Variants in RRM2 observed in about 807,000 individuals in gnomAD.
The protein encoded by RRM2 is ribonucleoside-diphosphate reductase subunit M2.
In RRM2, 6 loss-of-function variants were observed where a neutral mutation model predicts 45.9. The ratio of observed to expected loss-of-function variants is 0.13; its 90% CI spans 0.07 to 0.26. The LOEUF (loss-of-function observed/expected upper bound fraction) is 0.26. Among genes scored for constraint, RRM2 ranks in the 10% least tolerant of loss-of-function variants. RRM2 has a pLI of 1.00. For synonymous variants in RRM2, 177 were observed against 173.0 expected, an observed-to-expected ratio of 1.02 and a Z score of -0.18; for missense variants, 343 against 489.5, an observed-to-expected ratio of 0.70 and a Z score of 2.82.
At position 10,129,189 on chromosome 2, in the gene RRM2, T is replaced by G; in HGVS notation, c.1017+35T>G. 1 of 1,614,062 alleles carries G rather than the reference T, an allele frequency of 6.2e-7. No individual in the cohort carries two copies. Among genetic ancestry groups the G allele is most frequent in the Non-Finnish European group, 8.5e-7 (1 of 1,179,894 alleles). Reference sequence around the variant, plus strand: ...TGTTTACATAGCCTTTTGCTTGTTTTGAAGCTGGTGCTCTGTATTTATATC... The same window carrying G: ...TGTTTACATAGCCTTTTGCTTGTTTGGAAGCTGGTGCTCTGTATTTATATC... On this transcript the variant is annotated intron_variant, in intron 9 of 9. Coordinates refer to ENST00000304567, the MANE Select transcript of RRM2 (RefSeq NM_001034.4). The surrounding 1 kb of genome is among the most constrained non-coding windows in gnomAD (Gnocchi z 4.8).
chr2:10,155,625 C>T lies in RRM2; in HGVS notation n.482+13250C>T, dbSNP rs139673006. 1,084 of 152,570 alleles carry T rather than the reference C, an allele frequency of 7.1e-3. 6 individuals are homozygous for T. Among genetic ancestry groups the T allele is most frequent in the South Asian group, 0.016 (75 of 4,834 alleles). The allele number at this position is 152,570 out of a possible 1,614,324, so 9.5% of individuals were successfully genotyped here. A position where few individuals can be genotyped will look rare whatever the true frequency, so the allele number is the denominator to read the frequency against. On this transcript the variant is annotated intron_variant and non_coding_transcript_variant, in intron 3 of 3. Coordinates refer to the RRM2 transcript ENST00000381786. The stretch of plus-strand genomic sequence containing the variant: ...CTCTGATTCCTCCCCCTCTTCTGTT[C>T]CAGTCCAGAATGCCTCCTTTCTGCC...
intron 4 of RRM2, chr2:10,124,069 C>A: frequency 1.9e-6 from 1 of 533,610 alleles, no homozygotes; most frequent in Non-Finnish European, 3.3e-6. Flanking sequence ...TAAGTGGTAG[C>A]AATGTGATGA....
intron 3 of RRM2, among the ~76,000 whole-genome samples, chr2:10,164,622 T>A (rs1234677452): frequency 6.6e-6 from 1 of 152,172 alleles, no homozygotes; most frequent in African/African-American, 2.4e-5. Flanking sequence ...TTGAATGCCA[T>A]CCCAGGGTAG....
rs1377579075 is a variant in RRM2 at position 10,172,055 on chromosome 2, T to C, written n.482+29680T>C. Among the ~76,000 whole-genome samples, 2 of 152,072 alleles carry C rather than the reference T, an allele frequency of 1.3e-5. No individual in the cohort carries two copies. Among genetic ancestry groups the C allele is most frequent in the Non-Finnish European group, 2.9e-5 (2 of 67,994 alleles). The stretch of plus-strand genomic sequence containing the variant: ...AAGGATGAGGGGAAGCACAGCTCCT[T>C]TGGGGTCTGCGTGCATTTGAGCATG... On this transcript the variant is annotated intron_variant and non_coding_transcript_variant, in intron 3 of 3. Coordinates refer to the RRM2 transcript ENST00000381786. The surrounding 1 kb of genome is among the most constrained non-coding windows in gnomAD (Gnocchi z 4.9).
intron 2 of RRM2, 75 bp from the exon 3 acceptor site, chr2:10,123,312 A>G (rs2125305583): frequency 1.3e-6 from 2 of 1,504,640 alleles, no homozygotes; most frequent in Non-Finnish European, 1.8e-6. Context: ...GCCAATGGAA[A>G]GGACTTGGTC....
rs909320557 is a variant in RRM2 at position 10,172,294 on chromosome 2, C to T, written n.482+29919C>T. On this transcript the variant is annotated intron_variant and non_coding_transcript_variant, in intron 3 of 3. Transcript: ENST00000381786. This position sits in a 1 kb window ranked among gnomAD's most constrained non-coding sequence, Gnocchi z 4.9. The stretch of plus-strand genomic sequence containing the variant: ...AGATGAAGGAGGCTGGGGCTGGCAC[C>T]GTGGTGGTCCCTGGGCTGTGCCTGT... 2.0e-5 allele frequency among the ~76,000 whole-genome samples: 3 copies of T among 152,108 alleles called. No homozygotes were observed. Among genetic ancestry groups the T allele is most frequent in the Non-Finnish European group, 2.9e-5 (2 of 68,016 alleles).
intron 3 of RRM2, among the ~76,000 whole-genome samples, chr2:10,173,166 A>G (rs979994265): frequency 6.6e-6 from 1 of 151,916 alleles, no homozygotes; most frequent in African/African-American, 2.4e-5. Context: ...AATAGCCCCT[A>G]CCTCCTAGGA....
chr2:10,123,039 C>G lies in RRM2; in HGVS notation c.156C>G (p.Phe52Leu). ...CCAGCAAGACCGCGAGGAGGATCTTCCAGGAGCCCACGGAGCCGGTGAGTG... is the reference window on the plus strand; with the variant it reads ...CCAGCAAGACCGCGAGGAGGATCTTGCAGGAGCCCACGGAGCCGGTGAGTG... The part of the protein sequence containing the change: ...VLASKTARRI[F>L]QEPTEPKTKA... Residue 52 changes from phenylalanine (F) to leucine (L), a missense_variant, in exon 2 of 10, where the codon TTC becomes TTG. Phe to Leu is a conservative substitution (Grantham distance 22, BLOSUM62 0). This residue lies in a region of RRM2 where 131 missense variants were observed against 121.4 expected (regional missense o/e 1.08). Transcript: ENST00000304567. The G allele has an allele frequency of 6.4e-7, 1 of 1,565,978 alleles. No homozygotes were observed. Among genetic ancestry groups the G allele is most frequent in the African/African-American group, 1.3e-5 (1 of 74,598 alleles).
At chr2:10,208,948 G>C (rs143882208) in intron 3 of RRM2, among the ~76,000 whole-genome samples, 185 of 152,020 alleles carry the variant, frequency 1.2e-3, no homozygotes, top group African/African-American at 4.3e-3. Flanking sequence ...CCTCCCACGT[G>C]CTGGATCCTG....
At chr2:10,202,920 C>T (rs563737693) in intron 3 of RRM2, among the ~76,000 whole-genome samples, 74 of 152,218 alleles carry the variant, frequency 4.9e-4, no homozygotes, top group Non-Finnish European at 8.5e-4. Flanking sequence ...TCTAAAGCCA[C>T]GTCTTCCTCT....
intron 3 of RRM2, among the ~76,000 whole-genome samples, chr2:10,152,491 T>TA (rs56898190): frequency 1.4e-5 from 2 of 138,170 alleles, no homozygotes; most frequent in African/African-American, 5.4e-5. Context: ...TTTTTTTTTT[T>TA]AATTTTTTAT....
At chr2:10,198,161 C>T (rs373564075) in intron 3 of RRM2, among the ~76,000 whole-genome samples, 4 of 152,358 alleles carry the variant, frequency 2.6e-5, no homozygotes, top group African/African-American at 7.2e-5. Flanking sequence ...GCACAGGCTT[C>T]AGGGGAGCCC....
chr2:10,179,469 G>A (rs918760021), intron 3 of RRM2, among the ~76,000 whole-genome samples: 1 of 152,142 alleles, frequency 6.6e-6, no homozygotes, highest in Non-Finnish European at 1.5e-5. Flanking sequence ...ACCCTTAAAA[G>A]GACATTTGAG....
At chr2:10,126,703 A>G (rs1353724209) in intron 5 of RRM2, 172 bp from the exon 6 acceptor site, 1 of 627,140 alleles carries the variant, frequency 1.6e-6, no homozygotes, top group African/African-American at 1.8e-5. Flanking sequence ...AGAACACTGG[A>G]GGGAAAAACT....
intron 3 of RRM2, among the ~76,000 whole-genome samples, chr2:10,178,386 C>A (rs924314812): frequency 1.3e-5 from 2 of 151,952 alleles, no homozygotes; most frequent in Non-Finnish European, 2.9e-5. Flanking sequence ...CCATGCCTGG[C>A]TAATTTTTGT....
chr2:10,123,912 C>G (rs1231716963), intron 4 of RRM2, 60 bp downstream of exon 4: 1 of 947,570 alleles, frequency 1.1e-6, no homozygotes, highest in African/African-American at 1.6e-5. Context: ...CGAACTAGTT[C>G]GCTTTCCTCG....
chr2:10,208,564 G>T (rs535072418), intron 3 of RRM2, among the ~76,000 whole-genome samples: 2 of 152,226 alleles, frequency 1.3e-5, no homozygotes, highest in East Asian at 3.9e-4. Context: ...GAAAGTAATT[G>T]CACGCCACTC....
rs1168996272 is a variant in RRM2, at chr2:10,171,176, A to T, written n.482+28801A>T. Among the ~76,000 whole-genome samples, 4 of 152,346 alleles carry T rather than the reference A, an allele frequency of 2.6e-5. No individual in the cohort carries two copies. The East Asian group carries it at 7.7e-4, about 29-fold the overall frequency. Reference sequence around the variant, plus strand: ...TGCGATGGGGCAACGTGTGGTGTGGAGGCCATACCCCTCCTCTGCTGGCTG... The same window carrying T: ...TGCGATGGGGCAACGTGTGGTGTGGTGGCCATACCCCTCCTCTGCTGGCTG... On this transcript the variant is annotated intron_variant and non_coding_transcript_variant, in intron 3 of 3. Coordinates refer to the RRM2 transcript ENST00000381786. This position sits in a 1 kb window ranked among gnomAD's most constrained non-coding sequence, Gnocchi z 4.1.
Position 10,182,940 on chromosome 2 carries a change from G to A in RRM2, n.483-27371G>A, listed in dbSNP as rs77576664. Among the ~76,000 whole-genome samples, 1,171 of 152,328 alleles carry A rather than the reference G, an allele frequency of 7.7e-3. 19 individuals are homozygous for A. Among genetic ancestry groups the A allele is most frequent in the African/African-American group, 0.027 (1,103 of 41,562 alleles). ...TACCTGTGATCCCAACACTTTGAGA[G>A]GCCGAGGTGGGAGGACTGCTTGAGC... On this transcript the variant is annotated intron_variant and non_coding_transcript_variant, in intron 3 of 3. Coordinates refer to the RRM2 transcript ENST00000381786.
Sources: gnomAD v4.1 joint callset for allele counts (sites outside exome capture counted in the v4.1 genomes callset) on GRCh38, gnomAD v4.1.1 for gene constraint, gnomAD v4.1.1 regional missense constraint, Gnocchi (gnomAD v3.1) non-coding constraint, MANE v1.5 for transcripts, NCBI Gene and HGNC (gene_info 2026-07-23, HGNC 2026-07-21) for gene names.